FAM227A: variants seen among roughly 807,000 people sequenced by gnomAD.
FAM227A encodes family with sequence similarity 227 member A.
FAM227A carries 80 observed loss-of-function variants against 74.7 expected under a neutral mutation model. That is an observed-to-expected ratio of 1.07 (90% CI 0.89 to 1.29). The LOEUF is 1.29. Ranked by LOEUF, FAM227A falls within the 50% of genes most tolerant of loss-of-function variation. The probability of loss-of-function intolerance (pLI) is 0.00; values close to 1 mark genes in which losing one functional copy is unlikely to be tolerated. For synonymous variants in FAM227A, 237 were observed against 241.8 expected, an observed-to-expected ratio of 0.98 and a Z score of 0.19; for missense variants, 654 against 683.4, an observed-to-expected ratio of 0.96 and a Z score of 0.48.
chr22:38,607,176 CAAA>C (rs528873313), intron 12 of FAM227A, among the ~76,000 whole-genome samples: 22 of 55,652 alleles, frequency 4.0e-4, no homozygotes, highest in African/African-American at 9.0e-4. Context: ...GACTTCATCT[CAAA>C]AAAAAAAAAA....
rs749374429 is a variant in FAM227A at position 38,600,570 on chromosome 22, TC to T, written c.1222-650del. 1.8e-3 allele frequency among the ~76,000 whole-genome samples: 271 copies of T among 151,754 alleles called. 2 individuals carry two copies. The highest frequency in any genetic ancestry group is 3.4e-3 in the Middle Eastern group (1 of 294). The stretch of plus-strand genomic sequence containing the variant: ...CCAGGCTGGTCTCAAACTCCTGACC[TC>T]AGGTAATCTGCCCGCCTTGGCCTCC... On this transcript the variant is annotated intron_variant, in intron 13 of 16. Coordinates refer to ENST00000535113, the MANE Select transcript of FAM227A (RefSeq NM_001013647.2).
intron 11 of FAM227A, among the ~76,000 whole-genome samples, chr22:38,613,130 A>ATATATATTATATATAATTATT (rs1569206799): frequency 6.6e-5 from 6 of 90,248 alleles, no homozygotes; most frequent in South Asian, 2.7e-4. Flanking sequence ...ATATAATTAT[A>ATATATATTATATATAATTATT]TATATAATAT....
intron 6 of FAM227A, among the ~76,000 whole-genome samples, chr22:38,633,297 G>A (rs2091946662): frequency 6.6e-6 from 1 of 151,616 alleles, no homozygotes. Context: ...GAGTTGCACA[G>A]TTTTATTTGT....
At chr22:38,597,998 G>A (rs1013710624) in intron 14 of FAM227A, among the ~76,000 whole-genome samples, 1 of 143,362 alleles carries the variant, frequency 7.0e-6, no homozygotes, top group African/African-American at 2.6e-5. Flanking sequence ...AGCCGAAATC[G>A]CGCCACTGCA....
chr22:38,650,075 T>C lies in FAM227A; in HGVS notation c.94A>G (p.Asn32Asp). The part of the protein sequence containing the change: ...EHLAVSLVAR[N>D]TMVKTVRKEL... The stretch of plus-strand genomic sequence containing the variant: ...TTCCTCACAGTCTTCACCATTGTAT[T>C]CCGTGCGACAAGCGAGACAGCCAGG... Residue 32 changes from asparagine to aspartate, a missense_variant, in exon 2 of 17, where the codon AAT (asparagine) becomes GAT (aspartate). By Grantham distance (23) the Asn-to-Asp change is conservative. Transcript: ENST00000535113. 6.4e-7 allele frequency: 1 copy of C among 1,552,184 alleles called. No individual in the cohort carries two copies. The highest frequency in any genetic ancestry group is 2.4e-5 in the East Asian group (1 of 40,918).
rs1340064480 is a variant in FAM227A, at chr22:38,585,288, A to T, written c.*837T>A. ...GACAACATGTGCATGCTTTACCTAT[A>T]AAGTTTCTCTCAATTCTTGGACAAA... is the stretch of plus-strand genomic sequence containing the variant. On this transcript the variant is annotated 3_prime_UTR_variant, in exon 17 of 17. Transcript: ENST00000535113. 6 of 152,082 alleles carry T rather than the reference A, an allele frequency of 3.9e-5. No homozygotes were observed. Among genetic ancestry groups the T allele is most frequent in the Admixed American group, 3.9e-4 (6 of 15,268 alleles). The allele number at this position is 152,082 out of a possible 1,614,324, so 9.4% of individuals were successfully genotyped here.
rs767093033 is a variant in FAM227A, at chr22:38,582,264, G to A, written c.*3861C>T. The A allele has an allele frequency of 7.2e-7, 1 of 1,392,168 alleles. No homozygotes were observed. The highest frequency in any genetic ancestry group is 9.9e-7 in the Non-Finnish European group (1 of 1,014,112). 86.2% of individuals were successfully genotyped at this position (1,392,168 alleles called of 1,614,324 possible). ...TATCCCTCCTGTTCTTCAGGAAACT[G>A]TATGTTCTAAAACATACATTTCATC... On this transcript the variant is annotated 3_prime_UTR_variant, in exon 17 of 17. Coordinates refer to ENST00000535113, the MANE Select transcript of FAM227A (RefSeq NM_001013647.2).
intron 6 of FAM227A, among the ~76,000 whole-genome samples, chr22:38,632,941 T>C (rs1474254536): frequency 6.6e-6 from 1 of 152,190 alleles, no homozygotes; most frequent in Non-Finnish European, 1.5e-5. Flanking sequence ...GATGAGAACA[T>C]GAAGCCAGCA....
intron 6 of FAM227A, 150 bp from the exon 7 acceptor site, chr22:38,629,085 A>G (rs2091866496): frequency 2.6e-5 from 15 of 577,024 alleles, no homozygotes; most frequent in South Asian, 1.5e-4. Context: ...TTTAACCCCT[A>G]TAATAGTCTT....
At chr22:38,621,853 G>A (rs1007081653) in intron 10 of FAM227A, among the ~76,000 whole-genome samples, 3 of 152,030 alleles carry the variant, frequency 2.0e-5, no homozygotes, top group Non-Finnish European at 4.4e-5. Flanking sequence ...CAGCTCAAAC[G>A]CCACGTACTG....
At chr22:38,593,369 G>T (rs1039134800) in intron 15 of FAM227A, among the ~76,000 whole-genome samples, 4 of 152,154 alleles carry the variant, frequency 2.6e-5, no homozygotes, top group Non-Finnish European at 5.9e-5. Context: ...GCCGGGCATG[G>T]TGGCGGACAC....
intron 2 of FAM227A, among the ~76,000 whole-genome samples, 196 bp from the exon 3 acceptor site, chr22:38,645,841 A>C (rs1334978354): frequency 6.6e-6 from 1 of 152,134 alleles, no homozygotes; most frequent in Admixed American, 6.5e-5. Context: ...GCTGGAGTGC[A>C]GTGATGCAAT....
intron 9 of FAM227A, among the ~76,000 whole-genome samples, chr22:38,624,754 T>TGG (rs2091761913): frequency 6.6e-6 from 1 of 152,048 alleles, no homozygotes; most frequent in Admixed American, 6.6e-5. Context: ...GGGGGATGAG[T>TGG]GGGTTCTGTA....
chr22:38,655,416 A>C (rs1394631780), intron 1 of FAM227A, among the ~76,000 whole-genome samples: 4 of 151,728 alleles, frequency 2.6e-5, no homozygotes, highest in Admixed American at 2.6e-4. Flanking sequence ...CTGTAATTCC[A>C]GCTACTTGGG....
intron 9 of FAM227A, 143 bp from the exon 10 acceptor site, chr22:38,623,422 T>C: frequency 3.5e-6 from 2 of 567,554 alleles, no homozygotes; most frequent in Non-Finnish European, 3.2e-6. Flanking sequence ...CGTCTCTATT[T>C]AAAAAGAAAT....
At chr22:38,590,752 C>T (rs2090915237) in intron 16 of FAM227A, among the ~76,000 whole-genome samples, 1 of 152,112 alleles carries the variant, frequency 6.6e-6, no homozygotes, top group Non-Finnish European at 1.5e-5. Context: ...AACACTAAAA[C>T]TAAAATGAGA....
chr22:38,597,232 G>C lies in FAM227A; in HGVS notation c.1504C>G (p.Leu502Val). 6.4e-7 allele frequency: 1 copy of C among 1,552,316 alleles called. No individual in the cohort carries two copies. The highest frequency in any genetic ancestry group is 8.7e-7 in the Non-Finnish European group (1 of 1,147,130). The change falls in exon 15 of 17, where the codon CTA becomes GTA. Residue 502 changes from leucine to valine, a missense_variant. By Grantham distance (32) the Leu-to-Val change is conservative. Transcript: ENST00000535113. Reference protein sequence around the residue: ...WTEWNYFDKHLKELQDNFSRE... With the variant: ...WTEWNYFDKHVKELQDNFSRE... ...GAGAAGTTGTCTTGCAGCTCCTTTA[G>C]ATGCTTGTCAAAATAATTCCATTCA...
At chr22:38,588,905 G>T (rs1192204751) in intron 16 of FAM227A, among the ~76,000 whole-genome samples, 2 of 148,184 alleles carry the variant, frequency 1.3e-5, no homozygotes, top group Non-Finnish European at 3.0e-5. Context: ...TCCAGCCTGG[G>T]CGATAGAGCA....
intron 1 of FAM227A, among the ~76,000 whole-genome samples, chr22:38,653,243 C>T (rs1379508551): frequency 6.6e-6 from 1 of 152,208 alleles, no homozygotes; most frequent in African/African-American, 2.4e-5. Flanking sequence ...TCAGCACTCC[C>T]AGATAGACTG....
Sources: gnomAD v4.1 joint callset for allele counts (sites outside exome capture counted in the v4.1 genomes callset) on GRCh38, gnomAD v4.1.1 for gene constraint, MANE v1.5 for transcripts, NCBI Gene and HGNC (gene_info 2026-07-23, HGNC 2026-07-21) for gene names.